ABAT: variants seen among roughly 807,000 people sequenced by gnomAD.
ABAT encodes 4-aminobutyrate aminotransferase, also known as 4-aminobutyrate aminotransferase, mitochondrial.
A neutral mutation model predicts 64.6 loss-of-function variants in ABAT; 45 were observed. The observed-to-expected ratio is 0.70, with a 90% CI of 0.55 to 0.89. The LOEUF (loss-of-function observed/expected upper bound fraction) is 0.89, where lower values mean the gene tolerates loss of function less well. Among genes scored for constraint, ABAT ranks in the 40% least tolerant of loss-of-function variants. The pLI is 0.00. For missense variants in ABAT, 633 were observed against 658.4 expected (o/e 0.96, Z 0.42); for synonymous variants, 297 against 250.5 (o/e 1.19, Z -1.75).
chr16:8,727,559 ATTCTG>A (rs1171737123), intron 1 of ABAT, among the ~76,000 whole-genome samples: 1 of 152,168 alleles, frequency 6.6e-6, no homozygotes, highest in Non-Finnish European at 1.5e-5. Context: ...AATAGTTGTG[ATTCTG>A]TTCTATCTTA....
At chr16:8,731,950 T>G (rs938431201) in intron 1 of ABAT, among the ~76,000 whole-genome samples, 5 of 152,038 alleles carry the variant, frequency 3.3e-5, no homozygotes, top group Admixed American at 1.3e-4. Flanking sequence ...GCCTCCCGAG[T>G]TGAAGTGATT....
chr16:8,745,946 A>G (rs751209439), intron 2 of ABAT, 55 bp from the exon 3 acceptor site: 5 of 1,536,792 alleles, frequency 3.3e-6, no homozygotes, highest in Non-Finnish European at 4.5e-6. Context: ...TCAGGGCAGA[A>G]TCCTCATGAT....
At chr16:8,745,929 G>A in intron 2 of ABAT, 72 bp from the exon 3 acceptor site, 3 of 1,423,180 alleles carry the variant, frequency 2.1e-6, no homozygotes, top group South Asian at 2.3e-5. Flanking sequence ...GGGACATTGG[G>A]CATCTGTCAG....
At chr16:8,750,943 C>CTTTTT (rs71301327) in intron 5 of ABAT, among the ~76,000 whole-genome samples, 5 of 109,716 alleles carry the variant, frequency 4.6e-5, no homozygotes, top group African/African-American at 1.1e-4. Context: ...TTTTTCCCTG[C>CTTTTT]TTTTTTTTTT....
At chr16:8,721,062 T>G (rs1441569146) in intron 1 of ABAT, 1 of 152,122 alleles carries the variant, frequency 6.6e-6, no homozygotes, top group Non-Finnish European at 1.5e-5. Flanking sequence ...ACAAAATAGT[T>G]CCAATTGCTA....
intron 1 of ABAT, among the ~76,000 whole-genome samples, chr16:8,685,149 G>C (rs1249018374): frequency 1.1e-4 from 16 of 151,818 alleles, no homozygotes; most frequent in Middle Eastern, 3.4e-3. Context: ...GGTCAAGCAT[G>C]GTGGTGCGTG....
chr16:8,743,946 G>A (rs149235425), intron 2 of ABAT, among the ~76,000 whole-genome samples: 131 of 152,104 alleles, frequency 8.6e-4, no homozygotes, highest in African/African-American at 2.8e-3. Context: ...ACTTGTCTTG[G>A]ATACACCGCA....
At position 8,735,729 on chromosome 16, in the gene ABAT, C is replaced by G; in HGVS notation, c.-11C>G. On this transcript the variant is annotated 5_prime_UTR_variant, in exon 2 of 16. Coordinates refer to ENST00000268251, the MANE Select transcript of ABAT (RefSeq NM_020686.6). Reference sequence around the variant, plus strand: ...CAGCACGCAAAGGGTGTCCCTGTCCCTCAAGGGGTCATGGCCTCCATGTTG... The same window carrying G: ...CAGCACGCAAAGGGTGTCCCTGTCCGTCAAGGGGTCATGGCCTCCATGTTG... 6.3e-7 allele frequency: 1 copy of G among 1,597,298 alleles called. No individual in the cohort carries two copies. Among genetic ancestry groups the G allele is most frequent in the Non-Finnish European group, 8.5e-7 (1 of 1,171,666 alleles).
chr16:8,754,123 T>C (rs1018631533), intron 5 of ABAT, among the ~76,000 whole-genome samples: 7 of 136,164 alleles, frequency 5.1e-5, no homozygotes, highest in African/African-American at 1.1e-4. Flanking sequence ...GACAGGAAAA[T>C]AGCTTGAGCT....
At chr16:8,683,496 T>C (rs1016692178) in intron 1 of ABAT, 3 of 151,172 alleles carry the variant, frequency 2.0e-5, no homozygotes, top group African/African-American at 4.9e-5. Flanking sequence ...AGTGGAATTA[T>C]GCCTGTAAAT....
At chr16:8,773,201 G>T (rs192497396) in intron 12 of ABAT, among the ~76,000 whole-genome samples, 1 of 150,924 alleles carries the variant, frequency 6.6e-6, no homozygotes, top group Non-Finnish European at 1.5e-5. Context: ...ACCCAGGCTG[G>T]AGTGCAGTGG....
chr16:8,693,730 A>C (rs1427390072), intron 1 of ABAT, among the ~76,000 whole-genome samples: 1 of 152,188 alleles, frequency 6.6e-6, no homozygotes, highest in Non-Finnish European at 1.5e-5. Context: ...CAGCTTCCCA[A>C]AGTGCTGGGA....
chr16:8,688,156 G>C (rs570816979), intron 1 of ABAT, among the ~76,000 whole-genome samples: 1 of 152,190 alleles, frequency 6.6e-6, no homozygotes, highest in South Asian at 2.1e-4. Flanking sequence ...CTCCCAAAGT[G>C]CTGGGATTAT....
chr16:8,753,323 C>T (rs1248933695), intron 5 of ABAT, among the ~76,000 whole-genome samples: 1 of 152,130 alleles, frequency 6.6e-6, no homozygotes, highest in Non-Finnish European at 1.5e-5. Context: ...TCTCGATCTT[C>T]TGACCTCGTG....
At chr16:8,676,898 C>G (rs1018829004) in intron 1 of ABAT, among the ~76,000 whole-genome samples, 1 of 152,176 alleles carries the variant, frequency 6.6e-6, no homozygotes, top group African/African-American at 2.4e-5. Context: ...GGGAAAAGAG[C>G]TGAAATTCTG....
intron 11 of ABAT, among the ~76,000 whole-genome samples, chr16:8,770,135 G>A (rs1273409): frequency 0.039 from 5,900 of 152,112 alleles, 150 homozygotes; most frequent in Middle Eastern, 0.061. Context: ...CATTTGCTTT[G>A]TTTTGTTTTG....
intron 1 of ABAT, among the ~76,000 whole-genome samples, chr16:8,709,294 C>A (rs376669336): frequency 7.9e-5 from 12 of 151,758 alleles, no homozygotes; most frequent in African/African-American, 1.9e-4. Flanking sequence ...TCATCTGTTT[C>A]TTTTCTTTTT....
intron 1 of ABAT, among the ~76,000 whole-genome samples, chr16:8,699,752 G>C (rs747921505): frequency 6.6e-6 from 1 of 151,910 alleles, no homozygotes; most frequent in Non-Finnish European, 1.5e-5. Flanking sequence ...TTTTTGTAGA[G>C]GCAGGGTTTT....
chr16:8,721,979 C>G (rs2058385557), intron 1 of ABAT, among the ~76,000 whole-genome samples: 1 of 152,212 alleles, frequency 6.6e-6, no homozygotes, highest in South Asian at 2.1e-4. Flanking sequence ...AGGCCCACTG[C>G]ACAGCTGAAA....
Sources: gnomAD v4.1 joint callset for allele counts (sites outside exome capture counted in the v4.1 genomes callset) on GRCh38, gnomAD v4.1.1 for gene constraint, MANE v1.5 for transcripts, NCBI Gene and HGNC (gene_info 2026-07-23, HGNC 2026-07-21) for gene names.